The following CPLX1 variants were observed in gnomAD, a reference collection of about 807,000 sequenced individuals.
The protein encoded by CPLX1 is complexin 1, also known as complexin-1.
A neutral mutation model predicts 15.6 loss-of-function variants in CPLX1; 6 were observed. The observed-to-expected ratio is 0.39, with a 90% confidence interval of 0.21 to 0.76. CPLX1 has a LOEUF of 0.76. Ranked by LOEUF, CPLX1 falls within the 30% of genes least tolerant of loss-of-function variation. The pLI is 0.43. For synonymous variants in CPLX1, 91 were observed against 75.2 expected, an observed-to-expected ratio of 1.21 and a Z score of -1.08; for missense variants, 242 against 188.6, an observed-to-expected ratio of 1.28 and a Z score of -1.66.
intron 1 of CPLX1, chr4:824,963 C>A (rs1162057137): frequency 2.8e-6 from 1 of 361,606 alleles, no homozygotes; most frequent in East Asian, 7.2e-5. Context: ...AGCGGCGCCT[C>A]CGCGGTGGTC....
At chr4:799,799 G>A (rs999834984) in intron 2 of CPLX1, among the ~76,000 whole-genome samples, 9 of 152,180 alleles carry the variant, frequency 5.9e-5, no homozygotes, top group African/African-American at 2.2e-4. Context: ...GGAGGCAGAG[G>A]TTGCAGTGAG....
chr4:804,720 A>C, intron 2 of CPLX1: 1 of 984,914 alleles, frequency 1.0e-6, no homozygotes, highest in Non-Finnish European at 1.2e-6. Flanking sequence ...GTCAGAGGAG[A>C]CTCAACCCAA....
At chr4:792,882 G>A (rs1325819463) in intron 2 of CPLX1, among the ~76,000 whole-genome samples, 3 of 152,166 alleles carry the variant, frequency 2.0e-5, no homozygotes, top group East Asian at 1.9e-4. Flanking sequence ...GGAGAGTGGC[G>A]CTGTGGTTGC....
chr4:824,707 C>T (rs1176534806), intron 1 of CPLX1, 106 bp from the exon 2 acceptor site: 1 of 726,758 alleles, frequency 1.4e-6, no homozygotes, highest in South Asian at 1.5e-5. Context: ...CTGGACCCTC[C>T]CCCACCTGGA....
chr4:824,963 C>G (rs1162057137), intron 1 of CPLX1: 2 of 361,606 alleles, frequency 5.5e-6, no homozygotes, highest in African/African-American at 4.3e-5. Context: ...AGCGGCGCCT[C>G]CGCGGTGGTC....
At chr4:823,672 G>A (rs1746915486) in intron 2 of CPLX1, among the ~76,000 whole-genome samples, 1 of 152,236 alleles carries the variant, frequency 6.6e-6, no homozygotes, top group African/African-American at 2.4e-5. Flanking sequence ...CAGCCCCGAG[G>A]CCTGAGTTGA....
At chr4:814,242 C>T (rs1381429437) in intron 2 of CPLX1, among the ~76,000 whole-genome samples, 1 of 152,032 alleles carries the variant, frequency 6.6e-6, no homozygotes. Flanking sequence ...AAGACGGAGT[C>T]TCGCTCTGTT....
intron 2 of CPLX1, among the ~76,000 whole-genome samples, chr4:812,744 C>T (rs983366462): frequency 2.0e-5 from 3 of 151,964 alleles, no homozygotes; most frequent in Admixed American, 6.6e-5. Context: ...GGCATCCTAA[C>T]GCTGCGTGTC....
intron 2 of CPLX1, among the ~76,000 whole-genome samples, chr4:805,940 G>C (rs1746547538): frequency 6.6e-6 from 1 of 152,162 alleles, no homozygotes; most frequent in African/African-American, 2.4e-5. Context: ...GTGGGTGCGA[G>C]GGGCTGGGGG....
At chr4:793,220 G>A (rs1166062215) in intron 2 of CPLX1, among the ~76,000 whole-genome samples, 1 of 152,204 alleles carries the variant, frequency 6.6e-6, no homozygotes, top group African/African-American at 2.4e-5. Flanking sequence ...GAGGGGCAGG[G>A]CTGGCTGTCA....
At chr4:822,615 C>T (rs1746893702) in intron 2 of CPLX1, among the ~76,000 whole-genome samples, 1 of 152,174 alleles carries the variant, frequency 6.6e-6, no homozygotes, top group African/African-American at 2.4e-5. Flanking sequence ...CTCCTGCTCC[C>T]TCTCCTGCCA....
At chr4:804,842 C>T (rs1476468875) in intron 2 of CPLX1, 27 of 982,510 alleles carry the variant, frequency 2.7e-5, no homozygotes, top group Non-Finnish European at 3.1e-5. Context: ...TGGGGAGCGA[C>T]GTGCTCAGCC....
At chr4:787,452 C>G (rs778360205) in intron 3 of CPLX1, 71 of 906,138 alleles carry the variant, frequency 7.8e-5, no homozygotes, top group Non-Finnish European at 9.4e-5. Context: ...GGAAACAGGT[C>G]TTTGTTGATC....
intron 3 of CPLX1, among the ~76,000 whole-genome samples, chr4:791,096 C>T (rs568087148): frequency 9.8e-4 from 132 of 134,904 alleles, no homozygotes; most frequent in African/African-American, 3.7e-3. Context: ...CTCCCGAGCA[C>T]ATCCCAGTGG....
chr4:805,174 GCCAC>G (rs1487767495), intron 2 of CPLX1, among the ~76,000 whole-genome samples: 1 of 152,178 alleles, frequency 6.6e-6, no homozygotes, highest in African/African-American at 2.4e-5. Context: ...CAGCCGGAGA[GCCAC>G]AGGCAGACAA....
At position 785,561 on chromosome 4, in the gene CPLX1, TGCCGCCCCGCAGGGCCACCA is replaced by T. The variant is rs1246310856; in HGVS notation, c.*920_*939del. 9.2e-5 allele frequency: 14 copies of T among 151,826 alleles called. No individual in the cohort carries two copies. The highest frequency in any genetic ancestry group is 3.1e-4 in the African/African-American group (13 of 41,360). 9.4% of individuals were successfully genotyped at this position (151,826 alleles called of 1,614,324 possible). A position where few individuals can be genotyped will look rare whatever the true frequency, so the allele number is the denominator to read the frequency against. ...AATGGAGGAGAAACAGGGGCTCGGA[TGCCGCCCCGCAGGGCCACCA>T]GGTGGATTAGGCCACACACGCGCCA... is the stretch of plus-strand genomic sequence containing the variant. On this transcript the variant is annotated 3_prime_UTR_variant, in exon 4 of 4. Transcript: ENST00000304062.
At chr4:823,364 A>G (rs1407796112) in intron 2 of CPLX1, among the ~76,000 whole-genome samples, 1 of 152,148 alleles carries the variant, frequency 6.6e-6, no homozygotes, top group Non-Finnish European at 1.5e-5. Flanking sequence ...TCCGGGAGAC[A>G]GCCAGGCAGG....
At chr4:789,493 C>T (rs553214040) in intron 3 of CPLX1, among the ~76,000 whole-genome samples, 16 of 152,344 alleles carry the variant, frequency 1.1e-4, no homozygotes, top group Admixed American at 9.8e-4. Flanking sequence ...ACCTCCTAGC[C>T]GCTGTGGGAG....
intron 2 of CPLX1, among the ~76,000 whole-genome samples, chr4:814,403 G>A (rs1235910359): frequency 2.0e-5 from 3 of 152,022 alleles, no homozygotes; most frequent in African/African-American, 7.2e-5. Flanking sequence ...AGTGGAGACC[G>A]GGTTTCACCA....
Sources: allele counts gnomAD v4.1 joint callset (sites outside exome capture counted in the v4.1 genomes callset), GRCh38; gene constraint gnomAD v4.1.1; transcripts MANE v1.5; gene names NCBI Gene and HGNC (gene_info 2026-07-23, HGNC 2026-07-21).